FOXP1: variants seen among roughly 807,000 people sequenced by gnomAD.
The protein encoded by FOXP1 is forkhead box P1.
A neutral mutation model predicts 98.2 loss-of-function variants in FOXP1; 15 were observed. The observed-to-expected ratio is 0.15, with a 90% CI of 0.10 to 0.24. FOXP1 has a LOEUF of 0.24. Among genes scored for constraint, FOXP1 ranks in the 10% least tolerant of loss-of-function variants. The pLI, the probability that FOXP1 is intolerant of heterozygous loss-of-function variation, is 1.00. For synonymous variants in FOXP1, 371 were observed against 314.5 expected (o/e 1.18, Z -1.90); for missense variants, 633 against 848.5 (o/e 0.75, Z 3.15).
chr3:71,027,270 G>A (rs1282543748), intron 11 of FOXP1, among the ~76,000 whole-genome samples: 1 of 152,154 alleles, frequency 6.6e-6, no homozygotes, highest in Non-Finnish European at 1.5e-5. Context: ...CGTAAACAAA[G>A]TTCCAATATT....
intron 2 of FOXP1, among the ~76,000 whole-genome samples, chr3:71,496,551 G>A (rs2091423014): frequency 6.6e-6 from 1 of 152,228 alleles, no homozygotes; most frequent in African/African-American, 2.4e-5. Context: ...GCCGGCCACA[G>A]TGGCTCACGC....
chr3:71,032,621 A>T (rs2047021165), intron 11 of FOXP1, among the ~76,000 whole-genome samples: 1 of 152,088 alleles, frequency 6.6e-6, no homozygotes, highest in Non-Finnish European at 1.5e-5. Context: ...CCAGTGAGCC[A>T]GTCGGCAGAG....
chr3:70,983,927 C>T (rs578031408), intron 14 of FOXP1, among the ~76,000 whole-genome samples: 6 of 152,148 alleles, frequency 3.9e-5, no homozygotes, highest in African/African-American at 7.2e-5. Flanking sequence ...AGAGTAAGCA[C>T]GGAGAAATTA....
intron 5 of FOXP1, among the ~76,000 whole-genome samples, chr3:71,239,725 T>C (rs2067094059): frequency 6.6e-6 from 1 of 152,242 alleles, no homozygotes. Flanking sequence ...ATAACGCTTT[T>C]TAAGTGTTAC....
chr3:71,212,179 AT>A (rs1297959922), intron 5 of FOXP1, among the ~76,000 whole-genome samples: 2 of 152,166 alleles, frequency 1.3e-5, no homozygotes, highest in Non-Finnish European at 2.9e-5. Context: ...TGAAAATGGA[AT>A]TGCTTCAACA....
intron 12 of FOXP1, among the ~76,000 whole-genome samples, chr3:71,007,736 TTAG>T (rs2042984793): frequency 6.6e-6 from 1 of 152,186 alleles, no homozygotes; most frequent in Non-Finnish European, 1.5e-5. Flanking sequence ...CAGAGCACAC[TTAG>T]TAGTTTCTTT....
rs928556940 is a variant in FOXP1 at position 71,026,862 on chromosome 3, T to C, written c.870-11209A>G. On this transcript the variant is annotated intron_variant, in intron 11 of 20. Transcript: ENST00000649528. ...GCTGGTTGGTGTGCTTGGATCACAA[T>C]GCAATCGCAAACAGAGCAGGTGATG... Among the ~76,000 whole-genome samples the C allele has an allele frequency of 8.5e-5, 13 of 152,246 alleles. 1 individual carries two copies. Among genetic ancestry groups the C allele is most frequent in the Admixed American group, 8.5e-4 (13 of 15,286 alleles).
intron 4 of FOXP1, among the ~76,000 whole-genome samples, chr3:71,307,499 A>T (rs1375422987): frequency 2.0e-5 from 3 of 152,228 alleles, no homozygotes; most frequent in Admixed American, 6.5e-5. Flanking sequence ...AATAAAACAC[A>T]GGTTCTCTAA....
chr3:71,373,105 T>C (rs185954727), intron 3 of FOXP1, among the ~76,000 whole-genome samples: 61 of 152,354 alleles, frequency 4.0e-4, no homozygotes, highest in African/African-American at 1.3e-3. Flanking sequence ...CTTGTAAGTA[T>C]TCTATGTTAA....
At chr3:71,176,654 T>C (rs767743922) in intron 6 of FOXP1, among the ~76,000 whole-genome samples, 9 of 147,666 alleles carry the variant, frequency 6.1e-5, no homozygotes, top group South Asian at 2.1e-4. Context: ...GGTGGGAGGA[T>C]TGCTTGAGCC....
chr3:71,177,247 C>T (rs2061997544), intron 6 of FOXP1, among the ~76,000 whole-genome samples: 1 of 152,122 alleles, frequency 6.6e-6, no homozygotes, highest in Non-Finnish European at 1.5e-5. Flanking sequence ...TGAAACCAAC[C>T]TAAGTTACAA....
intron 6 of FOXP1, among the ~76,000 whole-genome samples, chr3:71,187,002 G>A (rs1439745660): frequency 2.0e-5 from 3 of 152,236 alleles, no homozygotes; most frequent in South Asian, 2.1e-4. Context: ...GTAGGCAAGC[G>A]GGTGTGGCTG....
chr3:71,288,021 CA>C (rs1354733564), intron 5 of FOXP1, among the ~76,000 whole-genome samples: 1 of 151,928 alleles, frequency 6.6e-6, no homozygotes, highest in Non-Finnish European at 1.5e-5. Flanking sequence ...GCTGGGATTA[CA>C]GGCATGCGCC....
chr3:71,237,061 G>A (rs1342007170), intron 5 of FOXP1, among the ~76,000 whole-genome samples: 3 of 149,658 alleles, frequency 2.0e-5, no homozygotes, highest in Non-Finnish European at 3.0e-5. Context: ...GTGAAACCCC[G>A]CCTCTACTAA....
chr3:70,960,198 T>G (rs903368068), intron 20 of FOXP1, among the ~76,000 whole-genome samples: 2 of 152,144 alleles, frequency 1.3e-5, no homozygotes, highest in African/African-American at 4.8e-5. Context: ...TTTTACAAAC[T>G]GTCAATAAGG....
At chr3:71,239,712 AG>A (rs2067092415) in intron 5 of FOXP1, among the ~76,000 whole-genome samples, 1 of 152,182 alleles carries the variant, frequency 6.6e-6, no homozygotes, top group African/African-American at 2.4e-5. Flanking sequence ...AGCAGGAAAA[AG>A]AATAACGCTT....
chr3:71,497,853 G>A (rs915862435), intron 2 of FOXP1, among the ~76,000 whole-genome samples: 2 of 152,090 alleles, frequency 1.3e-5, no homozygotes, highest in African/African-American at 2.4e-5. Context: ...CCTCAACCCT[G>A]CTAATCAAGA....
In FOXP1 at chr3:71,001,138, T is replaced by C. The variant is rs2042073510; in HGVS notation, c.975-79A>G. 2.7e-6 allele frequency: 3 copies of C among 1,124,974 alleles called. No individual in the cohort carries two copies. The Admixed American group carries it at 5.2e-5, about 20-fold the overall frequency. The allele number at this position is 1,124,974 out of a possible 1,614,324, so 69.7% of individuals were successfully genotyped here. On this transcript the variant is annotated intron_variant, in intron 12 of 20. Transcript: ENST00000649528. Reference sequence around the variant, plus strand: ...TATAAGTTACCAGGATGTTTAAGCATAAACTAGGCAGCGGGTCTAGCTCCC... The same window carrying C: ...TATAAGTTACCAGGATGTTTAAGCACAAACTAGGCAGCGGGTCTAGCTCCC...
chr3:71,099,420 G>C (rs1474995999), intron 7 of FOXP1, among the ~76,000 whole-genome samples: 1 of 152,176 alleles, frequency 6.6e-6, no homozygotes, highest in African/African-American at 2.4e-5. Flanking sequence ...GCTGAGGCGG[G>C]AGAATTGCTT....
Sources: gnomAD v4.1 joint callset for allele counts (sites outside exome capture counted in the v4.1 genomes callset) on GRCh38, gnomAD v4.1.1 for gene constraint, MANE v1.5 for transcripts, NCBI Gene and HGNC (gene_info 2026-07-23, HGNC 2026-07-21) for gene names.